Variants in SPAG16 observed in about 807,000 individuals in gnomAD.
SPAG16 encodes the protein sperm-associated antigen 16 protein.
A neutral mutation model predicts 80.4 loss-of-function variants in SPAG16; 86 were observed. The observed-to-expected ratio is 1.07, with a 90% CI of 0.90 to 1.28. The LOEUF is 1.28. SPAG16 is among the 50% of genes most tolerant of loss of function. The pLI, the probability that SPAG16 is intolerant of heterozygous loss-of-function variation, is 0.00. For synonymous variants in SPAG16, 294 were observed against 265.9 expected (o/e 1.11, Z -1.03); for missense variants, 870 against 765.3 (o/e 1.14, Z -1.61).
chr2:213,938,314 A>G (rs548003842), intron 12 of SPAG16, among the ~76,000 whole-genome samples: 7 of 152,120 alleles, frequency 4.6e-5, no homozygotes, highest in Admixed American at 4.6e-4. Context: ...ATAAAATGAT[A>G]TGTAGCCATA....
intron 15 of SPAG16, among the ~76,000 whole-genome samples, chr2:214,154,430 C>T (rs1268334086): frequency 6.6e-6 from 1 of 151,672 alleles, no homozygotes; most frequent in African/African-American, 2.4e-5. Context: ...TCTCCACAAT[C>T]GGAACCACAA....
chr2:213,692,530 C>T (rs1391423787), intron 10 of SPAG16, among the ~76,000 whole-genome samples: 5 of 152,080 alleles, frequency 3.3e-5, no homozygotes, highest in Non-Finnish European at 4.4e-5. Flanking sequence ...GTTTTGTCTG[C>T]CGGGCATGGT....
chr2:213,615,968 G>T (rs989494565), intron 10 of SPAG16, among the ~76,000 whole-genome samples: 3 of 152,240 alleles, frequency 2.0e-5, no homozygotes, highest in Admixed American at 6.5e-5. Context: ...TAGATGATGG[G>T]TTGATGGGTA....
intron 15 of SPAG16, among the ~76,000 whole-genome samples, chr2:214,187,105 G>A (rs902334719): frequency 2.0e-5 from 3 of 152,042 alleles, no homozygotes; most frequent in African/African-American, 7.2e-5. Context: ...AGCTTTCAAA[G>A]TTTACACTTG....
rs921378574 is a variant in SPAG16, at chr2:213,572,560, A to G, written c.1070+82470A>G. ...CCAGTTAGGCTGCTTGGGGGTCAGG[A>G]GTCAGGGACCCACTTGAGGAGGCAG... On this transcript the variant is annotated intron_variant, in intron 10 of 15. Coordinates refer to ENST00000331683, the MANE Select transcript of SPAG16 (RefSeq NM_024532.5). Among the ~76,000 whole-genome samples the G allele has an allele frequency of 2.5e-4, 38 of 152,142 alleles. 1 individual carries two copies. The highest frequency in any genetic ancestry group is 4.1e-4 in the South Asian group (2 of 4,822).
intron 9 of SPAG16, among the ~76,000 whole-genome samples, chr2:213,426,807 G>T (rs2069949693): frequency 8.1e-6 from 1 of 123,064 alleles, no homozygotes; most frequent in Non-Finnish European, 1.7e-5. Flanking sequence ...TTAAAAGGAT[G>T]AACTTTTTCA....
chr2:214,141,765 A>C (rs1161941290), intron 14 of SPAG16, among the ~76,000 whole-genome samples: 1 of 152,172 alleles, frequency 6.6e-6, no homozygotes, highest in Non-Finnish European at 1.5e-5. Context: ...TCTTTAAAAT[A>C]TTTTAAATAG....
chr2:213,932,252 C>T (rs537940050), intron 12 of SPAG16, among the ~76,000 whole-genome samples: 1 of 144,792 alleles, frequency 6.9e-6, no homozygotes, highest in Non-Finnish European at 1.5e-5. Flanking sequence ...GTTCTGTCAC[C>T]CAGGCTAGAG....
At chr2:213,778,224 TTTAA>T (rs1458515651) in intron 10 of SPAG16, among the ~76,000 whole-genome samples, 2 of 152,056 alleles carry the variant, frequency 1.3e-5, no homozygotes, top group Non-Finnish European at 2.9e-5. Context: ...GCTTAACATC[TTTAA>T]TTAGTCTATC....
At chr2:213,828,456 TCA>T (rs2073431256) in intron 10 of SPAG16, among the ~76,000 whole-genome samples, 1 of 152,184 alleles carries the variant, frequency 6.6e-6, no homozygotes, top group Non-Finnish European at 1.5e-5. Flanking sequence ...TTGAGTTTCA[TCA>T]CAACTATTTT....
At chr2:213,654,673 C>T (rs912678387) in intron 10 of SPAG16, among the ~76,000 whole-genome samples, 8 of 150,120 alleles carry the variant, frequency 5.3e-5, no homozygotes, top group Admixed American at 2.0e-4. Context: ...GCCGAGATTG[C>T]GCCACTGCAC....
At chr2:214,075,654 T>C (rs907988915) in intron 13 of SPAG16, among the ~76,000 whole-genome samples, 2 of 152,164 alleles carry the variant, frequency 1.3e-5, no homozygotes, top group Non-Finnish European at 2.9e-5. Flanking sequence ...TAATGAACCA[T>C]ACGTCCTTAA....
intron 5 of SPAG16, among the ~76,000 whole-genome samples, chr2:213,337,179 A>T (rs754907179): frequency 2.0e-5 from 3 of 152,138 alleles, no homozygotes; most frequent in Non-Finnish European, 4.4e-5. Flanking sequence ...AACAACAACA[A>T]CATCAATGAA....
intron 10 of SPAG16, among the ~76,000 whole-genome samples, chr2:213,544,281 T>C (rs1358030211): frequency 2.6e-5 from 4 of 152,136 alleles, no homozygotes; most frequent in African/African-American, 9.6e-5. Flanking sequence ...TTCTTCATAA[T>C]ATTCCTGCTT....
At chr2:213,384,701 C>G (rs1559478414) in intron 9 of SPAG16, among the ~76,000 whole-genome samples, 1 of 152,172 alleles carries the variant, frequency 6.6e-6, no homozygotes, top group Non-Finnish European at 1.5e-5. Flanking sequence ...TGTGTGAAAA[C>G]TGGCTAAGAT....
chr2:214,203,814 C>A (rs112171721), intron 15 of SPAG16, among the ~76,000 whole-genome samples: 1 of 152,152 alleles, frequency 6.6e-6, no homozygotes, highest in Non-Finnish European at 1.5e-5. Flanking sequence ...GTTTCCTGGA[C>A]GGAACCTGGA....
At chr2:213,531,019 A>T (rs1213988898) in intron 10 of SPAG16, among the ~76,000 whole-genome samples, 1 of 152,052 alleles carries the variant, frequency 6.6e-6, no homozygotes. Flanking sequence ...TTTTTCTTTT[A>T]AGTTCCTTTT....
chr2:214,400,891 ATTTGTTTTATACTC>A (rs1701668007), intron 15 of SPAG16, among the ~76,000 whole-genome samples: 1 of 152,034 alleles, frequency 6.6e-6, no homozygotes, highest in Non-Finnish European at 1.5e-5. Flanking sequence ...TTTAAAATGC[ATTTGTTTTATACTC>A]TATGTTTTAC....
At chr2:213,793,116 C>A (rs755316475) in intron 10 of SPAG16, among the ~76,000 whole-genome samples, 7 of 151,920 alleles carry the variant, frequency 4.6e-5, no homozygotes, top group Non-Finnish European at 1.0e-4. Flanking sequence ...TTAGTACAGA[C>A]GGGGTTTCAC....
Sources: gnomAD v4.1 joint callset for allele counts (sites outside exome capture counted in the v4.1 genomes callset) on GRCh38, gnomAD v4.1.1 for gene constraint, MANE v1.5 for transcripts, NCBI Gene and HGNC (gene_info 2026-07-23, HGNC 2026-07-21) for gene names.